The following TYW1B variants were observed in gnomAD, a reference collection of about 807,000 sequenced individuals.
TYW1B encodes the protein S-adenosyl-L-methionine-dependent tRNA 4-demethylwyosine synthase TYW1B.
In TYW1B, 73 loss-of-function variants were observed where a neutral mutation model predicts 86.9. The observed-to-expected ratio is 0.84, with a 90% CI of 0.70 to 1.02. The LOEUF (loss-of-function observed/expected upper bound fraction) is 1.02. TYW1B is among the 50% of genes least tolerant of loss of function. The probability of loss-of-function intolerance (pLI) is 0.00; values close to 1 mark genes in which losing one functional copy is unlikely to be tolerated. For synonymous variants in TYW1B, 248 were observed against 292.8 expected (o/e 0.85, Z 1.56); for missense variants, 637 against 827.4 (o/e 0.77, Z 2.82).
At chr7:72,673,616 T>G (rs1194766966) in intron 11 of TYW1B, among the ~76,000 whole-genome samples, 3 of 151,758 alleles carry the variant, frequency 2.0e-5, no homozygotes, top group African/African-American at 4.8e-5. Flanking sequence ...GTAGTGGGGG[T>G]GTTGGGAGGA....
In TYW1B at chr7:72,597,075, C is replaced by T. The variant is rs371653322; in HGVS notation, c.1785+19597G>A. On this transcript the variant is annotated intron_variant, in intron 13 of 13. Transcript: ENST00000620995. ...GAGTATTGATAAAATTATCTGCACA[C>T]CAAGCCACATAACCAGTCTCAAAAA... is the stretch of plus-strand genomic sequence containing the variant. Among the ~76,000 whole-genome samples the T allele has an allele frequency of 5.1e-4, 77 of 151,966 alleles. 1 individual carries two copies. Among genetic ancestry groups the T allele is most frequent in the African/African-American group, 1.8e-3 (75 of 41,410 alleles).
chr7:72,683,767 G>A (rs1813940049), intron 11 of TYW1B, among the ~76,000 whole-genome samples: 1 of 152,178 alleles, frequency 6.6e-6, no homozygotes, highest in South Asian at 2.1e-4. Flanking sequence ...GATAGCACAA[G>A]CATCCAAACC....
intron 13 of TYW1B, among the ~76,000 whole-genome samples, chr7:72,607,870 A>G (rs2129568222): frequency 6.6e-6 from 1 of 151,334 alleles, no homozygotes; most frequent in Admixed American, 6.6e-5. Context: ...CTCCAAAACA[A>G]CAGACCCAAA....
intron 13 of TYW1B, among the ~76,000 whole-genome samples, chr7:72,586,564 C>G (rs1811281420): frequency 6.6e-6 from 1 of 152,042 alleles, no homozygotes; most frequent in African/African-American, 2.4e-5. Flanking sequence ...TGGTGAAACC[C>G]CGTCTCTACT....
At chr7:72,671,728 C>A (rs564998401) in intron 11 of TYW1B, among the ~76,000 whole-genome samples, 11 of 151,852 alleles carry the variant, frequency 7.2e-5, no homozygotes, top group African/African-American at 2.7e-4. Flanking sequence ...TAATGATTGG[C>A]AGTAGTATTT....
At chr7:72,745,283 C>T (rs1554463542) in intron 7 of TYW1B, among the ~76,000 whole-genome samples, 3 of 152,156 alleles carry the variant, frequency 2.0e-5, no homozygotes. Flanking sequence ...CTCAGCCTCT[C>T]CAAATGCTAA....
chr7:72,704,457 A>AGG (rs1554453272), intron 10 of TYW1B, among the ~76,000 whole-genome samples: 1 of 137,598 alleles, frequency 7.3e-6, no homozygotes. Context: ...AAAAAAAAAA[A>AGG]GTCCATCTTG....
Position 72,807,306 on chromosome 7 carries a change from C to T in TYW1B, c.483G>A (p.Val161=), listed in dbSNP as rs1489548084. The change falls in exon 5 of 14, where the codon GTG becomes GTA. Residue 161 remains valine (V), a synonymous_variant. Coordinates refer to ENST00000620995, the MANE Select transcript of TYW1B (RefSeq NM_001145440.3). ...KWLWMLGVHR[V]MSRGEGDCDV... is the part of the protein sequence containing the mutation. ...CGCAGTCGCCCTCCCCTCGACTCATCACACGATGCACGCCAAGCATCCAGA... is the reference window on the plus strand; with the variant it reads ...CGCAGTCGCCCTCCCCTCGACTCATTACACGATGCACGCCAAGCATCCAGA... The T allele has an allele frequency of 6.2e-7, 1 of 1,614,050 alleles. No homozygotes were observed. The highest frequency in any genetic ancestry group is 8.5e-7 in the Non-Finnish European group (1 of 1,180,040).
intron 7 of TYW1B, among the ~76,000 whole-genome samples, chr7:72,744,899 T>C (rs1340770418): frequency 6.6e-6 from 1 of 152,198 alleles, no homozygotes; most frequent in Non-Finnish European, 1.5e-5. Context: ...ATTAGTACAA[T>C]AGTATATAAT....
At chr7:72,663,277 G>C (rs1554444727) in intron 11 of TYW1B, among the ~76,000 whole-genome samples, 3 of 152,040 alleles carry the variant, frequency 2.0e-5, no homozygotes, top group Admixed American at 2.0e-4. Flanking sequence ...AACCACTTTT[G>C]ATAAACATGA....
At chr7:72,646,666 G>A (rs1175385539) in intron 11 of TYW1B, among the ~76,000 whole-genome samples, 2 of 152,226 alleles carry the variant, frequency 1.3e-5, no homozygotes, top group East Asian at 1.9e-4. Flanking sequence ...GAGCCACCAC[G>A]CCTGGCCCTA....
chr7:72,772,480 A>G (rs572182695), intron 7 of TYW1B, among the ~76,000 whole-genome samples: 1 of 152,288 alleles, frequency 6.6e-6, no homozygotes, highest in South Asian at 2.1e-4. Flanking sequence ...AAACAAAGTA[A>G]TGTTGACCCA....
intron 7 of TYW1B, among the ~76,000 whole-genome samples, chr7:72,745,375 C>T (rs1413097964): frequency 2.0e-5 from 3 of 152,168 alleles, no homozygotes; most frequent in Middle Eastern, 3.4e-3. Context: ...AGCAGGTATA[C>T]AAGAAATACA....
chr7:72,782,991 T>C (rs1386902695), intron 6 of TYW1B, among the ~76,000 whole-genome samples: 2 of 152,224 alleles, frequency 1.3e-5, no homozygotes, highest in African/African-American at 4.8e-5. Flanking sequence ...ATTCGGTAAA[T>C]GTTGGCTGAA....
intron 8 of TYW1B, among the ~76,000 whole-genome samples, chr7:72,739,578 C>G (rs565547059): frequency 2.1e-3 from 317 of 150,540 alleles, no homozygotes; most frequent in African/African-American, 5.8e-3. Context: ...TGCACTCCAG[C>G]CTGGGTGACA....
At chr7:72,746,545 G>T (rs530077503) in intron 7 of TYW1B, among the ~76,000 whole-genome samples, 5 of 152,260 alleles carry the variant, frequency 3.3e-5, no homozygotes, top group Non-Finnish European at 5.9e-5. Context: ...TCCCATTCAG[G>T]TTGAAGTCCT....
chr7:72,698,027 A>T (rs1383700428), intron 10 of TYW1B: 1 of 154,166 alleles, frequency 6.5e-6, no homozygotes, highest in African/African-American at 2.4e-5. Context: ...GTAAACAGTG[A>T]CTTTGAAGCT....
chr7:72,813,455 C>T (rs1247419883), intron 3 of TYW1B, among the ~76,000 whole-genome samples: 2 of 152,306 alleles, frequency 1.3e-5, no homozygotes, highest in South Asian at 2.1e-4. Flanking sequence ...GGATTACAGG[C>T]GTGGGCCACC....
intron 12 of TYW1B, among the ~76,000 whole-genome samples, chr7:72,620,647 T>C (rs1438446258): frequency 6.6e-6 from 1 of 152,190 alleles, no homozygotes; most frequent in Admixed American, 6.5e-5. Flanking sequence ...TCTAGTCTAC[T>C]GATGGCTTGC....
Sources: allele counts gnomAD v4.1 joint callset (sites outside exome capture counted in the v4.1 genomes callset), GRCh38; gene constraint gnomAD v4.1.1; transcripts MANE v1.5; gene names NCBI Gene and HGNC (gene_info 2026-07-23, HGNC 2026-07-21).